The following FRAS1 variants were observed in gnomAD, a reference collection of about 807,000 sequenced individuals.
The protein encoded by FRAS1 is Fraser extracellular matrix complex subunit 1, also known as extracellular matrix organizing protein FRAS1.
Under a neutral mutation model 435.2 loss-of-function variants are expected in FRAS1, and 290 were observed. That is an observed-to-expected ratio of 0.67 (90% CI 0.61 to 0.73). The LOEUF (loss-of-function observed/expected upper bound fraction) is 0.73. Ranked by LOEUF, FRAS1 falls within the 30% of genes least tolerant of loss-of-function variation. FRAS1 has a pLI of 0.00. For missense variants in FRAS1, 4,860 were observed against 5,001.5 expected, an observed-to-expected ratio of 0.97 and a Z score of 0.85; for synonymous variants, 1,800 against 1,851.0, an observed-to-expected ratio of 0.97 and a Z score of 0.71.
At chr4:78,300,949 G>C (rs759764173) in intron 14 of FRAS1, among the ~76,000 whole-genome samples, 1 of 152,074 alleles carries the variant, frequency 6.6e-6, no homozygotes, top group Non-Finnish European at 1.5e-5. Context: ...ACTCTTTATT[G>C]CAGAGCCCTT....
intron 68 of FRAS1, among the ~76,000 whole-genome samples, chr4:78,522,225 A>G (rs1317708619): frequency 2.0e-5 from 3 of 152,212 alleles, no homozygotes; most frequent in Non-Finnish European, 4.4e-5. Context: ...AAGGACTTCA[A>G]TGGCCCTAAA....
chr4:78,124,676 T>A (rs1170729696), intron 2 of FRAS1, among the ~76,000 whole-genome samples: 1 of 152,206 alleles, frequency 6.6e-6, no homozygotes, highest in Non-Finnish European at 1.5e-5. Context: ...TATGCAGAGA[T>A]TCAACTTCTT....
At chr4:78,100,756 G>A (rs776176087) in intron 2 of FRAS1, among the ~76,000 whole-genome samples, 42 of 152,268 alleles carry the variant, frequency 2.8e-4, no homozygotes, top group South Asian at 6.2e-4. Flanking sequence ...GTGTGTGTGC[G>A]TGTGTGTATT....
intron 27 of FRAS1, among the ~76,000 whole-genome samples, chr4:78,383,086 C>A (rs1440303157): frequency 6.6e-6 from 1 of 152,214 alleles, no homozygotes; most frequent in Non-Finnish European, 1.5e-5. Context: ...GCAGCGAGTT[C>A]TGTGCTTGGT....
chr4:78,324,931 A>G (rs1324508453), intron 18 of FRAS1, among the ~76,000 whole-genome samples: 1 of 152,130 alleles, frequency 6.6e-6, no homozygotes, highest in African/African-American at 2.4e-5. Context: ...CATGCAGTTC[A>G]GCATGAGGAT....
chr4:78,074,767 ACCTT>A (rs1220540883), intron 2 of FRAS1, among the ~76,000 whole-genome samples: 10 of 152,190 alleles, frequency 6.6e-5, no homozygotes, highest in Admixed American at 6.5e-4. Context: ...CATAAATAGC[ACCTT>A]CCTTCCCTCA....
intron 43 of FRAS1, 96 bp downstream of exon 43, chr4:78,446,976 G>T (rs193042445): frequency 2.5e-6 from 3 of 1,201,490 alleles, no homozygotes; most frequent in Non-Finnish European, 1.2e-6. Context: ...TTCTTTTCTT[G>T]TATATGGTAC....
intron 2 of FRAS1, among the ~76,000 whole-genome samples, chr4:78,201,965 GC>G (rs1723067340): frequency 6.6e-6 from 1 of 152,142 alleles, no homozygotes; most frequent in South Asian, 2.1e-4. Flanking sequence ...AGGGTCTCAA[GC>G]AGGGATAGAC....
intron 29 of FRAS1, among the ~76,000 whole-genome samples, 176 bp from the exon 30 acceptor site, chr4:78,400,558 G>T (rs1732843180): frequency 6.6e-6 from 1 of 152,148 alleles, no homozygotes; most frequent in Non-Finnish European, 1.5e-5. Flanking sequence ...TAAATATATA[G>T]ATAAATATGC....
chr4:78,396,753 A>G (rs534519492), intron 29 of FRAS1, among the ~76,000 whole-genome samples: 3 of 152,050 alleles, frequency 2.0e-5, no homozygotes, highest in Non-Finnish European at 4.4e-5. Context: ...GTTTCAAATG[A>G]TCTGTCTTTT....
rs1042290934 is a variant in FRAS1 at position 78,284,664 on chromosome 4, A to G, written c.1399+116A>G. 9 of 951,626 alleles carry G rather than the reference A, an allele frequency of 9.5e-6. No individual in the cohort carries two copies. The African/African-American group carries it at 1.3e-4, about 14-fold the overall frequency. The allele number at this position is 951,626 out of a possible 1,614,324, so 58.9% of individuals were successfully genotyped here. ...TCAAGGAGGGGGTCATGCATGCAGC[A>G]TGTTTTTGAGATGCACAACGTCTAA... On this transcript the variant is annotated intron_variant, in intron 13 of 73. Transcript: ENST00000512123.
intron 58 of FRAS1, among the ~76,000 whole-genome samples, chr4:78,486,360 A>G (rs1720168846): frequency 6.6e-6 from 1 of 152,168 alleles, no homozygotes; most frequent in Non-Finnish European, 1.5e-5. Flanking sequence ...CCCATAATCT[A>G]TTTTAGGATA....
At chr4:78,067,205 C>T (rs920473361) in intron 2 of FRAS1, among the ~76,000 whole-genome samples, 4 of 151,954 alleles carry the variant, frequency 2.6e-5, no homozygotes, top group Non-Finnish European at 5.9e-5. Context: ...TATAATAGAC[C>T]AATGAAATAG....
chr4:78,229,558 C>T (rs776607524), intron 2 of FRAS1, among the ~76,000 whole-genome samples: 32 of 152,056 alleles, frequency 2.1e-4, no homozygotes, highest in Non-Finnish European at 1.9e-4. Context: ...CTTCACAGTC[C>T]CTTTATCTGT....
At chr4:78,376,072 C>T (rs1273201998) in intron 26 of FRAS1, among the ~76,000 whole-genome samples, 193 bp downstream of exon 26, 1 of 152,168 alleles carries the variant, frequency 6.6e-6, no homozygotes. Context: ...CTTCTGTAAT[C>T]ATTGGAAAGG....
intron 20 of FRAS1, among the ~76,000 whole-genome samples, chr4:78,344,502 T>C (rs1730524448): frequency 1.1e-5 from 1 of 93,280 alleles, no homozygotes; most frequent in Non-Finnish European, 2.1e-5. Flanking sequence ...TTCCAGAGTC[T>C]GGAATGTGAT....
chr4:78,235,369 C>A (rs1724704414), intron 2 of FRAS1, among the ~76,000 whole-genome samples: 1 of 152,192 alleles, frequency 6.6e-6, no homozygotes. Flanking sequence ...TTTCCTAGCT[C>A]ATCTCAGCTC....
chr4:78,417,834 A>G (rs1193664306), intron 32 of FRAS1, among the ~76,000 whole-genome samples: 1 of 152,224 alleles, frequency 6.6e-6, no homozygotes, highest in African/African-American at 2.4e-5. Flanking sequence ...GGCTTCAAAG[A>G]GCAGGAGAGC....
chr4:78,328,145 T>C (rs72866340), intron 18 of FRAS1, among the ~76,000 whole-genome samples: 5,972 of 152,272 alleles, frequency 0.039, 319 homozygotes, highest in African/African-American at 0.12. Flanking sequence ...TTTCAACTTG[T>C]TTGTCTTCTT....
Sources: allele counts gnomAD v4.1 joint callset (sites outside exome capture counted in the v4.1 genomes callset), GRCh38; gene constraint gnomAD v4.1.1; transcripts MANE v1.5; gene names NCBI Gene and HGNC (gene_info 2026-07-23, HGNC 2026-07-21).